SOX6: variants seen among roughly 807,000 people sequenced by gnomAD.
SOX6 encodes the protein transcription factor SOX-6.
SOX6 carries 11 observed loss-of-function variants against 97.8 expected under a neutral mutation model. That is an observed-to-expected ratio of 0.11 (90% CI 0.07 to 0.19). The LOEUF is 0.19. Among genes scored for constraint, SOX6 ranks in the 10% least tolerant of loss-of-function variants. The pLI, the probability that SOX6 is intolerant of heterozygous loss-of-function variation, is 1.00. For synonymous variants in SOX6, 360 were observed against 371.4 expected, an observed-to-expected ratio of 0.97 and a Z score of 0.35; for missense variants, 810 against 1,039.5, an observed-to-expected ratio of 0.78 and a Z score of 3.04.
At chr11:16,279,772 T>C (rs571026575) in intron 3 of SOX6, among the ~76,000 whole-genome samples, 2 of 152,256 alleles carry the variant, frequency 1.3e-5, no homozygotes, top group South Asian at 2.1e-4. Flanking sequence ...TTTGATTTAG[T>C]TTTTGAAAAT....
At position 16,692,553 on chromosome 11, in the gene SOX6, A is replaced by G. The variant is rs553313901; in HGVS notation, n.429+22277T>C. The stretch of plus-strand genomic sequence containing the variant: ...TCCAAACTTACATAAACACAAAACA[A>G]AAGACTCTCTATTTAGAAGACAGTT... On this transcript the variant is annotated intron_variant and non_coding_transcript_variant, in intron 3 of 5. Coordinates refer to the SOX6 transcript ENST00000524520. Among the ~76,000 whole-genome samples, 7 of 152,304 alleles carry G rather than the reference A, an allele frequency of 4.6e-5. No homozygotes were observed. The South Asian group carries it at 1.2e-3, about 27-fold the overall frequency.
intron 12 of SOX6, 68 bp from the exon 13 acceptor site, chr11:16,015,118 A>G: frequency 7.5e-7 from 1 of 1,329,094 alleles, no homozygotes; most frequent in East Asian, 2.3e-5. Flanking sequence ...TCCAGTTTCT[A>G]TCTTGCTTAA....
intron 1 of SOX6, among the ~76,000 whole-genome samples, chr11:16,345,697 T>C (rs1856758328): frequency 6.6e-6 from 1 of 152,078 alleles, no homozygotes; most frequent in African/African-American, 2.4e-5. Flanking sequence ...AAGTCTTCTA[T>C]CTCAGAATAT....
intron 1 of SOX6, among the ~76,000 whole-genome samples, chr11:16,370,674 C>G (rs1374731682): frequency 6.6e-6 from 1 of 152,018 alleles, no homozygotes; most frequent in African/African-American, 2.4e-5. Context: ...TTGATATTCC[C>G]TCTAAACCCT....
chr11:16,505,688 G>T (rs1439944820), intron 4 of SOX6, among the ~76,000 whole-genome samples: 1 of 152,192 alleles, frequency 6.6e-6, no homozygotes, highest in South Asian at 2.1e-4. Flanking sequence ...ACACCTGGAT[G>T]CCTAGAAGGG....
chr11:16,419,678 T>C (rs1858990366), intron 1 of SOX6, among the ~76,000 whole-genome samples: 1 of 152,272 alleles, frequency 6.6e-6, no homozygotes, highest in East Asian at 1.9e-4. Flanking sequence ...CAATGACATA[T>C]AGATAATAAT....
intron 1 of SOX6, among the ~76,000 whole-genome samples, chr11:16,344,260 T>C (rs1856717229): frequency 6.6e-6 from 1 of 151,906 alleles, no homozygotes; most frequent in Non-Finnish European, 1.5e-5. Flanking sequence ...TGTTGATTTT[T>C]GTTTTGGGTG....
rs150859192 is a variant in SOX6, at chr11:15,968,382, A to C, written c.*4427T>G. ...CTTTGCAGTTGTTGGCACTTGGTAC[A>C]GGACTTCTCATATGATTTAAAATTA... On this transcript the variant is annotated 3_prime_UTR_variant, in exon 16 of 16. Transcript: ENST00000683767. The C allele has an allele frequency of 4.7e-4, 71 of 152,368 alleles. No homozygotes were observed. The highest frequency in any genetic ancestry group is 1.6e-3 in the African/African-American group (67 of 41,596). The allele number at this position is 152,368 out of a possible 1,614,324, so 9.4% of individuals were successfully genotyped here. A position where few individuals can be genotyped will look rare whatever the true frequency, so the allele number is the denominator to read the frequency against.
chr11:16,428,147 G>C (rs4434967), intron 1 of SOX6, among the ~76,000 whole-genome samples: 5 of 152,138 alleles, frequency 3.3e-5, no homozygotes, highest in African/African-American at 9.7e-5. Context: ...AGTGTCTGTT[G>C]ATATCCTTCG....
chr11:16,348,072 A>C (rs1856817830), intron 1 of SOX6, among the ~76,000 whole-genome samples: 1 of 151,820 alleles, frequency 6.6e-6, no homozygotes, highest in Non-Finnish European at 1.5e-5. Flanking sequence ...AAAAGGGGAG[A>C]AGGTAAAAGG....
chr11:16,678,768 G>A (rs1167369975), intron 3 of SOX6, among the ~76,000 whole-genome samples: 2 of 152,136 alleles, frequency 1.3e-5, no homozygotes, highest in East Asian at 1.9e-4. Context: ...CTTTTCCCAC[G>A]ATCTTAGCAA....
Position 15,966,574 on chromosome 11 carries a change from T to C in SOX6, c.*6235A>G, listed in dbSNP as rs1228226185. On this transcript the variant is annotated 3_prime_UTR_variant, in exon 16 of 16. Transcript: ENST00000683767. ...AATGAGCATAAATAGGCAGTTCTTA[T>C]AGACACTCCCCTAAGGGGCCTGAGC... The C allele has an allele frequency of 2.0e-5, 3 of 152,112 alleles. No homozygotes were observed. Among genetic ancestry groups the C allele is most frequent in the Non-Finnish European group, 4.4e-5 (3 of 68,036 alleles). The allele number at this position is 152,112 out of a possible 1,614,324, so 9.4% of individuals were successfully genotyped here.
In SOX6 at chr11:16,057,457, A is replaced by G. The variant is rs545734345; in HGVS notation, c.1102-1556T>C. Among the ~76,000 whole-genome samples, 316 of 152,170 alleles carry G rather than the reference A, an allele frequency of 2.1e-3. 1 individual carries two copies. The highest frequency in any genetic ancestry group is 2.6e-3 in the Non-Finnish European group (176 of 67,980). On this transcript the variant is annotated intron_variant, in intron 9 of 15. Transcript: ENST00000683767. ...CATGAAATCAGTAAAACTCTACCCA[A>G]CGTAATTGAATATATCAGGTAATCT...
upstream of SOX6, among the ~76,000 whole-genome samples, chr11:16,478,005 C>T (rs1860284631): frequency 6.6e-6 from 1 of 152,174 alleles, no homozygotes; most frequent in South Asian, 2.1e-4. Context: ...CCAGACAAGC[C>T]TACCTGGACA....
chr11:16,403,863 T>C (rs1220191968), intron 1 of SOX6, among the ~76,000 whole-genome samples: 1 of 151,550 alleles, frequency 6.6e-6, no homozygotes, highest in African/African-American at 2.4e-5. Flanking sequence ...AGAATTAAAA[T>C]AAAATTATTA....
intron 3 of SOX6, among the ~76,000 whole-genome samples, chr11:16,285,560 T>A (rs1022525815): frequency 1.3e-5 from 2 of 152,022 alleles, no homozygotes; most frequent in African/African-American, 4.8e-5. Context: ...TTTATATATA[T>A]TTTTAGAAGG....
chr11:16,077,654 C>T (rs1215013347), intron 9 of SOX6, among the ~76,000 whole-genome samples: 1 of 152,132 alleles, frequency 6.6e-6, no homozygotes, highest in East Asian at 1.9e-4. Context: ...ATGTTCTCTG[C>T]AGCAACATGG....
intron 3 of SOX6, among the ~76,000 whole-genome samples, chr11:16,657,484 T>C (rs1847731914): frequency 6.6e-6 from 1 of 152,228 alleles, no homozygotes; most frequent in Non-Finnish European, 1.5e-5. Flanking sequence ...CTAGATCATA[T>C]TGTAAGAGTA....
At chr11:16,729,443 G>T (rs1848332301) in intron 2 of SOX6, among the ~76,000 whole-genome samples, 1 of 152,124 alleles carries the variant, frequency 6.6e-6, no homozygotes, top group Admixed American at 6.5e-5. Context: ...TTAAGGAAAA[G>T]AATTTTCCAC....
Sources: allele counts gnomAD v4.1 joint callset (sites outside exome capture counted in the v4.1 genomes callset), GRCh38; gene constraint gnomAD v4.1.1; transcripts MANE v1.5; gene names NCBI Gene and HGNC (gene_info 2026-07-23, HGNC 2026-07-21).